Variants in EXOC6 observed in about 807,000 individuals in gnomAD.
EXOC6 encodes the protein exocyst complex component 6.
A neutral mutation model predicts 112.5 loss-of-function variants in EXOC6; 60 were observed. The ratio of observed to expected loss-of-function variants is 0.53; its 90% CI spans 0.43 to 0.66. The LOEUF is 0.66. EXOC6 is among the 30% of genes least tolerant of loss of function. EXOC6 has a pLI of 0.00. For missense variants in EXOC6, 855 were observed against 957.1 expected, an observed-to-expected ratio of 0.89 and a Z score of 1.41; for synonymous variants, 295 against 308.0, an observed-to-expected ratio of 0.96 and a Z score of 0.44.
In EXOC6 at chr10:92,948,559, A is replaced by G. The variant is rs1180977022; in HGVS notation, c.1416+180A>G. On this transcript the variant is annotated intron_variant, in intron 14 of 21. Coordinates refer to ENST00000260762, the MANE Select transcript of EXOC6 (RefSeq NM_019053.6). ...AAGTTTTAAAGAGTATGTTATTACT[A>G]CTACTACTACTACCACTACTACTAC... 1.5e-4 allele frequency among the ~76,000 whole-genome samples: 21 copies of G among 138,214 alleles called. 1 individual carries two copies. The highest frequency in any genetic ancestry group is 7.3e-3 in the Middle Eastern group (2 of 274). 90.7% of individuals were successfully genotyped at this position (138,214 alleles called of 152,430 possible).
chr10:93,028,397 C>G (rs1341960684), intron 20 of EXOC6, among the ~76,000 whole-genome samples: 1 of 152,178 alleles, frequency 6.6e-6, no homozygotes, highest in African/African-American at 2.4e-5. Context: ...AGCAAGGAAA[C>G]TAGAACTGGA....
chr10:93,029,887 G>A (rs1335573615), intron 20 of EXOC6, among the ~76,000 whole-genome samples: 2 of 151,668 alleles, frequency 1.3e-5, no homozygotes, highest in African/African-American at 4.8e-5. Flanking sequence ...AAAATAAATG[G>A]ATCTCATAGT....
intron 5 of EXOC6, among the ~76,000 whole-genome samples, chr10:92,908,784 C>T (rs1850584892): frequency 6.6e-6 from 1 of 152,116 alleles, no homozygotes; most frequent in Admixed American, 6.5e-5. Flanking sequence ...TTACTAATTG[C>T]TGCATACCCA....
At chr10:92,977,167 C>T (rs1012834781) in intron 18 of EXOC6, among the ~76,000 whole-genome samples, 1 of 152,074 alleles carries the variant, frequency 6.6e-6, no homozygotes, top group Non-Finnish European at 1.5e-5. Context: ...ATATAAATAA[C>T]TCCCACAAGC....
At position 92,838,785 on chromosome 10, in the gene EXOC6, C is replaced by T. The variant is rs1004905683; in HGVS notation, c.86+3961C>T. Reference sequence around the variant, plus strand: ...GTTTAGCTTTGGCCATTCAAAATCCCCTACCTAGGCCAGGCACGGTGGCTC... The same window carrying T: ...GTTTAGCTTTGGCCATTCAAAATCCTCTACCTAGGCCAGGCACGGTGGCTC... On this transcript the variant is annotated intron_variant, in intron 1 of 21. Transcript: ENST00000371552. Among the ~76,000 whole-genome samples, 4 of 152,236 alleles carry T rather than the reference C, an allele frequency of 2.6e-5. No homozygotes were observed. The South Asian group carries it at 8.3e-4, about 32-fold the overall frequency.
intron 1 of EXOC6, among the ~76,000 whole-genome samples, chr10:92,890,252 T>C (rs966708263): frequency 2.6e-5 from 4 of 152,206 alleles, no homozygotes; most frequent in Non-Finnish European, 4.4e-5. Context: ...TGTGTTTAAC[T>C]TCAAATTCTA....
intron 17 of EXOC6, 109 bp from the exon 18 acceptor site, chr10:92,973,944 A>G: frequency 3.2e-6 from 3 of 948,372 alleles, no homozygotes; most frequent in Non-Finnish European, 4.5e-6. Flanking sequence ...CTTTGAATAA[A>G]TGGCTAAAAT....
intron 19 of EXOC6, among the ~76,000 whole-genome samples, chr10:93,004,826 C>T (rs1722816410): frequency 6.6e-6 from 1 of 152,156 alleles, no homozygotes; most frequent in Admixed American, 6.6e-5. Context: ...TTGCCTCTAA[C>T]TTGAGCAAGT....
At chr10:92,969,897 T>C (rs1490975726) in intron 17 of EXOC6, among the ~76,000 whole-genome samples, 1 of 152,176 alleles carries the variant, frequency 6.6e-6, no homozygotes, top group African/African-American at 2.4e-5. Flanking sequence ...TTTCACCATG[T>C]TGGCCAGGCT....
chr10:92,951,159 A>C (rs144057503), intron 14 of EXOC6, among the ~76,000 whole-genome samples: 13 of 152,332 alleles, frequency 8.5e-5, no homozygotes, highest in African/African-American at 3.1e-4. Context: ...GGTACAGCCA[A>C]ATGGAGCTGT....
At chr10:92,848,431 G>GCGCCCCGACCC (rs1847142717), upstream of EXOC6, 3 of 902,700 alleles carry the variant, frequency 3.3e-6, no homozygotes, top group Admixed American at 6.0e-5. Flanking sequence ...GCCGGCCCGA[G>GCGCCCCGACCC]CGCCCCGCCC....
intron 20 of EXOC6, among the ~76,000 whole-genome samples, chr10:93,047,856 G>C (rs1846076348): frequency 2.0e-5 from 3 of 152,148 alleles, no homozygotes; most frequent in African/African-American, 4.8e-5. Flanking sequence ...TGAAGCAGGA[G>C]AATTGCTTGA....
At position 92,973,529 on chromosome 10, in the gene EXOC6, C is replaced by T. The variant is rs191474302; in HGVS notation, c.1774-524C>T. On this transcript the variant is annotated intron_variant, in intron 17 of 21. Transcript: ENST00000260762. ...ATGAGAAAATGTTTGGAGATCCTCC[C>T]GCTGTTATTTTTGCTGGCATCACTC... Among the ~76,000 whole-genome samples, 23 of 152,250 alleles carry T rather than the reference C, an allele frequency of 1.5e-4. 1 individual carries two copies. In the South Asian group the frequency reaches 2.5e-3, roughly 16 times the overall value.
At chr10:92,945,112 G>C (rs961227759) in intron 13 of EXOC6, among the ~76,000 whole-genome samples, 1 of 152,080 alleles carries the variant, frequency 6.6e-6, no homozygotes, top group Non-Finnish European at 1.5e-5. Context: ...CTGATGATTA[G>C]TGATGTTAAG....
At chr10:92,838,570 T>G (rs887393792) in intron 1 of EXOC6, among the ~76,000 whole-genome samples, 1 of 152,184 alleles carries the variant, frequency 6.6e-6, no homozygotes, top group African/African-American at 2.4e-5. Context: ...TTTCCCAAGG[T>G]TTATTTGCAT....
chr10:92,922,677 T>C (rs1264229825), intron 8 of EXOC6, among the ~76,000 whole-genome samples: 1 of 152,218 alleles, frequency 6.6e-6, no homozygotes, highest in African/African-American at 2.4e-5. Context: ...ATATTCACAA[T>C]ATAGCTTATC....
At chr10:92,915,164 A>T (rs1589823408) in intron 6 of EXOC6, among the ~76,000 whole-genome samples, 1 of 152,324 alleles carries the variant, frequency 6.6e-6, no homozygotes, top group African/African-American at 2.4e-5. Flanking sequence ...AGTATGGCCA[A>T]AGAGTGTTGG....
chr10:92,851,002 T>G (rs946280296), intron 1 of EXOC6, among the ~76,000 whole-genome samples: 2 of 152,184 alleles, frequency 1.3e-5, no homozygotes, highest in African/African-American at 4.8e-5. Flanking sequence ...CCCAAATATT[T>G]GGTCATTGAC....
chr10:92,959,165 A>G (rs1853853538), intron 17 of EXOC6, among the ~76,000 whole-genome samples: 2 of 152,194 alleles, frequency 1.3e-5, no homozygotes, highest in South Asian at 2.1e-4. Context: ...AAATAGATTA[A>G]TGGAACAGAT....
Sources: allele counts gnomAD v4.1 joint callset (sites outside exome capture counted in the v4.1 genomes callset), GRCh38; gene constraint gnomAD v4.1.1; transcripts MANE v1.5; gene names NCBI Gene and HGNC (gene_info 2026-07-23, HGNC 2026-07-21).